The following NELL1 variants were observed in gnomAD, a reference collection of about 807,000 sequenced individuals.
The protein encoded by NELL1 is neural EGFL like 1, also known as protein kinase C-binding protein NELL1.
In NELL1, 76 loss-of-function variants were observed where a neutral mutation model predicts 107.4. The observed-to-expected ratio is 0.71, with a 90% CI of 0.59 to 0.86. The LOEUF (loss-of-function observed/expected upper bound fraction) is 0.86, where lower values mean the gene tolerates loss of function less well. NELL1 is among the 40% of genes least tolerant of loss of function. NELL1 has a pLI of 0.00. For synonymous variants in NELL1, 353 were observed against 341.2 expected (o/e 1.03, Z -0.38); for missense variants, 1,024 against 1,005.5 (o/e 1.02, Z -0.25).
In NELL1 at chr11:20,727,497, G is replaced by A. The variant is rs560664968; in HGVS notation, c.184+49437G>A. Among the ~76,000 whole-genome samples the A allele has an allele frequency of 2.0e-5, 3 of 152,180 alleles. No homozygotes were observed. In the East Asian group the frequency reaches 5.8e-4, roughly 29 times the overall value. ...CGTTCATTGTAGATTCTGGATATTA[G>A]CCCTTTGTCAGATGGGTAGATTGTA... On this transcript the variant is annotated intron_variant, in intron 2 of 19. Transcript: ENST00000357134.
chr11:21,117,707 C>A (rs577544831), intron 13 of NELL1, among the ~76,000 whole-genome samples: 7 of 151,940 alleles, frequency 4.6e-5, no homozygotes, highest in African/African-American at 1.7e-4. Context: ...TCAACAGAGG[C>A]GTTCTGCATA....
chr11:20,744,649 T>C (rs1855964449), intron 2 of NELL1, among the ~76,000 whole-genome samples: 1 of 152,240 alleles, frequency 6.6e-6, no homozygotes, highest in African/African-American at 2.4e-5. Context: ...ACTCTTTTCT[T>C]TGCAAGGCGG....
chr11:20,888,334 T>C (rs1420485456), intron 5 of NELL1, among the ~76,000 whole-genome samples: 1 of 151,892 alleles, frequency 6.6e-6, no homozygotes, highest in Non-Finnish European at 1.5e-5. Context: ...TGAATATGTA[T>C]GCATATCTAT....
chr11:21,243,991 T>G (rs1323534352), intron 14 of NELL1, among the ~76,000 whole-genome samples: 2 of 152,128 alleles, frequency 1.3e-5, no homozygotes, highest in Non-Finnish European at 2.9e-5. Context: ...TTTGGTGGGA[T>G]GCAACATTGT....
chr11:20,803,960 C>T (rs1857330698), intron 3 of NELL1, among the ~76,000 whole-genome samples: 2 of 152,148 alleles, frequency 1.3e-5, no homozygotes, highest in African/African-American at 4.8e-5. Context: ...ACATCGGACT[C>T]CCAGTTTCTT....
At chr11:21,389,060 C>A (rs1358064724) in intron 15 of NELL1, among the ~76,000 whole-genome samples, 1 of 151,802 alleles carries the variant, frequency 6.6e-6, no homozygotes, top group African/African-American at 2.4e-5. Context: ...TGCTGGTTAT[C>A]TAAGCAGAGA....
At chr11:21,572,734 G>T (rs1003420522) in intron 18 of NELL1, among the ~76,000 whole-genome samples, 1 of 151,736 alleles carries the variant, frequency 6.6e-6, no homozygotes, top group African/African-American at 2.4e-5. Context: ...AGTGCTTCAG[G>T]TTCTGCTTTT....
At chr11:21,047,107 G>A (rs1853375648) in intron 12 of NELL1, among the ~76,000 whole-genome samples, 2 of 152,128 alleles carry the variant, frequency 1.3e-5, no homozygotes, top group Admixed American at 1.3e-4. Context: ...TTGGAGACTG[G>A]AGGATCCCTG....
At chr11:20,844,902 T>G (rs1175488738) in intron 3 of NELL1, among the ~76,000 whole-genome samples, 1 of 152,214 alleles carries the variant, frequency 6.6e-6, no homozygotes, top group African/African-American at 2.4e-5. Context: ...AACATGAGTC[T>G]TCCCTCCAGG....
Position 20,969,683 on chromosome 11 carries a change from T to C in NELL1, c.1300+9123T>C, listed in dbSNP as rs118182549. Among the ~76,000 whole-genome samples, 1,376 of 151,790 alleles carry C rather than the reference T, an allele frequency of 9.1e-3. 13 individuals carry two copies. Among genetic ancestry groups the C allele is most frequent in the Non-Finnish European group, 0.016 (1,061 of 67,904 alleles). ...GTAGTAAAGAACAAAGCAAAAAACATTGAAATAGGGACAAGAAGATTTTGA... is the reference window on the plus strand; with the variant it reads ...GTAGTAAAGAACAAAGCAAAAAACACTGAAATAGGGACAAGAAGATTTTGA... On this transcript the variant is annotated intron_variant, in intron 12 of 19. Transcript: ENST00000357134.
At chr11:21,293,407 C>T (rs146873137) in intron 14 of NELL1, among the ~76,000 whole-genome samples, 35 of 152,128 alleles carry the variant, frequency 2.3e-4, no homozygotes, top group Middle Eastern at 3.4e-3. Flanking sequence ...GTTACAATGA[C>T]GATCATTAAA....
intron 12 of NELL1, among the ~76,000 whole-genome samples, chr11:21,041,146 A>G (rs1162529930): frequency 6.6e-6 from 1 of 152,178 alleles, no homozygotes. Context: ...CAGTGAAGAG[A>G]ACAATGGCAC....
chr11:21,018,728 T>G (rs1432597152), intron 12 of NELL1, among the ~76,000 whole-genome samples: 1 of 152,084 alleles, frequency 6.6e-6, no homozygotes, highest in Non-Finnish European at 1.5e-5. Flanking sequence ...CAAGAGAAGA[T>G]GTATATTTTC....
intron 1 of NELL1, 124 bp from the exon 2 acceptor site, chr11:20,677,808 C>A: frequency 9.0e-7 from 1 of 1,115,636 alleles, no homozygotes; most frequent in Non-Finnish European, 1.3e-6. Flanking sequence ...CCTCCATAGA[C>A]AAAGACTCTC....
At chr11:20,904,710 G>T (rs1429793) in intron 5 of NELL1, among the ~76,000 whole-genome samples, 36,386 of 151,852 alleles carry the variant, frequency 0.24, 5,347 homozygotes, top group African/African-American at 0.38. Context: ...GTTGAAGGAG[G>T]GTCCCAGCAC....
At chr11:21,184,702 GAT>G (rs1208182999) in intron 13 of NELL1, among the ~76,000 whole-genome samples, 1 of 147,244 alleles carries the variant, frequency 6.8e-6, no homozygotes, top group Non-Finnish European at 1.5e-5. Context: ...TTTAATTTAT[GAT>G]ATGTTTTACC....
chr11:20,725,325 T>C (rs936228638), intron 2 of NELL1, among the ~76,000 whole-genome samples: 5 of 152,200 alleles, frequency 3.3e-5, no homozygotes, highest in Admixed American at 2.6e-4. Context: ...ATATGAGTTC[T>C]GAGATATTTC....
chr11:21,240,732 C>T (rs1199421767), intron 14 of NELL1, among the ~76,000 whole-genome samples: 3 of 121,588 alleles, frequency 2.5e-5, no homozygotes, highest in Non-Finnish European at 4.7e-5. Flanking sequence ...TTGTCCTAGC[C>T]TTTAATATTC....
chr11:21,103,845 T>A (rs986045369), intron 12 of NELL1, among the ~76,000 whole-genome samples: 4 of 152,200 alleles, frequency 2.6e-5, no homozygotes, highest in African/African-American at 9.6e-5. Context: ...CCAGTCTCTT[T>A]CAACGGAATT....
Sources: gnomAD v4.1 joint callset for allele counts (sites outside exome capture counted in the v4.1 genomes callset) on GRCh38, gnomAD v4.1.1 for gene constraint, MANE v1.5 for transcripts, NCBI Gene and HGNC (gene_info 2026-07-23, HGNC 2026-07-21) for gene names.